EPS8: variants seen among roughly 807,000 people sequenced by gnomAD.
The protein encoded by EPS8 is epidermal growth factor receptor kinase substrate 8.
Under a neutral mutation model 103.8 loss-of-function variants are expected in EPS8, and 42 were observed. The ratio of observed to expected loss-of-function variants is 0.40; its 90% CI spans 0.32 to 0.52. The LOEUF is 0.52. EPS8 is among the 20% of genes least tolerant of loss of function. EPS8 has a pLI of 0.40. For synonymous variants in EPS8, 344 were observed against 344.6 expected, an observed-to-expected ratio of 1.00 and a Z score of 0.02; for missense variants, 969 against 1,005.1, an observed-to-expected ratio of 0.96 and a Z score of 0.49.
At chr12:15,626,627 CAAAAAAA>C (rs771173535) in intron 18 of EPS8, among the ~76,000 whole-genome samples, 3 of 61,342 alleles carry the variant, frequency 4.9e-5, no homozygotes, top group East Asian at 9.5e-4. Flanking sequence ...GACTCCGTCT[CAAAAAAA>C]AAAAAAAAAA....
At chr12:15,650,596 T>C (rs1945394874) in intron 14 of EPS8, among the ~76,000 whole-genome samples, 1 of 151,896 alleles carries the variant, frequency 6.6e-6, no homozygotes, top group African/African-American at 2.4e-5. Context: ...GCTGACAGGC[T>C]ATAGGAGAGC....
Position 15,777,193 on chromosome 12 carries a change from C to T in EPS8, c.-22+11968G>A, listed in dbSNP as rs1947215213. On this transcript the variant is annotated intron_variant, in intron 1 of 20. Transcript: ENST00000281172. The surrounding 1 kb of genome is among the most constrained non-coding windows in gnomAD (Gnocchi z 4.7). ...GTAGCCTATATAAATTTTTTTTTTACATTATATAACTCAAGATATATTTTA... is the reference window on the plus strand; with the variant it reads ...GTAGCCTATATAAATTTTTTTTTTATATTATATAACTCAAGATATATTTTA... Among the ~76,000 whole-genome samples, 1 of 151,260 alleles carries T rather than the reference C, an allele frequency of 6.6e-6. No homozygotes were observed. Among genetic ancestry groups the T allele is most frequent in the South Asian group, 2.1e-4 (1 of 4,796 alleles).
Position 15,693,746 on chromosome 12 carries a change from C to T in EPS8, c.-21-10774G>A, listed in dbSNP as rs1025938318. 6.6e-6 allele frequency among the ~76,000 whole-genome samples: 1 copy of T among 152,078 alleles called. No homozygotes were observed. Among genetic ancestry groups the T allele is most frequent in the Admixed American group, 6.6e-5 (1 of 15,264 alleles). ...AATGAAAACATGTCCTTTGCAGGGA[C>T]GTGGATGAAGCTGGAAGCCATCATC... On this transcript the variant is annotated intron_variant, in intron 1 of 20. Transcript: ENST00000281172. This position sits in a 1 kb window ranked among gnomAD's most constrained non-coding sequence, Gnocchi z 5.6.
At position 15,641,751 on chromosome 12, in the gene EPS8, G is replaced by T. The variant is rs768237529; in HGVS notation, c.1648C>A (p.Leu550Ile). ...AAAATATCATCCTTTAGAACCGAGA[G>T]CTCACTGTTGTTCCTTGCTACAAAG... is the stretch of plus-strand genomic sequence containing the variant. ...YDFVARNNSE[L>I]SVLKDDILEI... Residue 550 changes from leucine to isoleucine, a missense_variant, in exon 16 of 21, where the codon CTC (leucine) becomes ATC (isoleucine). Coordinates refer to ENST00000281172, the MANE Select transcript of EPS8 (RefSeq NM_004447.6). The T allele has an allele frequency of 6.3e-7, 1 of 1,587,690 alleles. No homozygotes were observed. Among genetic ancestry groups the T allele is most frequent in the South Asian group, 1.2e-5 (1 of 86,948 alleles).
intron 3 of EPS8, among the ~76,000 whole-genome samples, chr12:15,671,375 G>T (rs1945814794): frequency 6.6e-6 from 1 of 151,990 alleles, no homozygotes; most frequent in Non-Finnish European, 1.5e-5. Flanking sequence ...GGCATTACAA[G>T]GAACATCTCC....
In EPS8 at chr12:15,688,067, C is replaced by G. The variant is rs1389526255; in HGVS notation, c.-21-5095G>C. On this transcript the variant is annotated intron_variant, in intron 1 of 20. Coordinates refer to ENST00000281172, the MANE Select transcript of EPS8 (RefSeq NM_004447.6). This position sits in a 1 kb window ranked among gnomAD's most constrained non-coding sequence, Gnocchi z 5.1. Reference sequence around the variant, plus strand: ...GTGGTATTTTGAAGCTTAATAAAATCACATAGTACCATGAATGACTGAAAA... The same window carrying G: ...GTGGTATTTTGAAGCTTAATAAAATGACATAGTACCATGAATGACTGAAAA... Among the ~76,000 whole-genome samples the G allele has an allele frequency of 6.6e-6, 1 of 152,130 alleles. No individual in the cohort carries two copies. Among genetic ancestry groups the G allele is most frequent in the Admixed American group, 6.5e-5 (1 of 15,272 alleles).
rs1440738366 is a variant in EPS8 at position 15,697,838 on chromosome 12, A to T, written c.-21-14866T>A. Among the ~76,000 whole-genome samples, 2 of 152,202 alleles carry T rather than the reference A, an allele frequency of 1.3e-5. No individual in the cohort carries two copies. The highest frequency in any genetic ancestry group is 1.9e-4 in the East Asian group (1 of 5,200). ...GTCCAAGCAGTAGATGATCAGGATT[A>T]TTAGAAATAGGATCAATATAAAGGC... On this transcript the variant is annotated intron_variant, in intron 1 of 20. Transcript: ENST00000281172. This position sits in a 1 kb window ranked among gnomAD's most constrained non-coding sequence, Gnocchi z 5.6.
chr12:15,670,140 T>C (rs952559873), intron 4 of EPS8, among the ~76,000 whole-genome samples: 1 of 152,136 alleles, frequency 6.6e-6, no homozygotes, highest in Non-Finnish European at 1.5e-5. Flanking sequence ...AAAATAAACT[T>C]TCCCCTATTT....
At chr12:15,654,112 G>C (rs1435384870) in intron 13 of EPS8, 33 bp downstream of exon 13, 1 of 1,592,938 alleles carries the variant, frequency 6.3e-7, no homozygotes. Context: ...ACAAAGAATG[G>C]TACTTAAGGC....
rs371050973 is a variant in EPS8 at position 15,662,218 on chromosome 12, T to TG, written c.737-120dup. On this transcript the variant is annotated intron_variant, in intron 8 of 20. Transcript: ENST00000281172. ...CATTTGCCAAAGGGAACACCTCCAC[T>TG]GGATACACAAGTCAAAACTGTGCTC... 145 of 1,534,330 alleles carry TG rather than the reference T, an allele frequency of 9.5e-5. No homozygotes were observed. The African/African-American group carries it at 1.6e-3, about 17-fold the overall frequency.
At chr12:15,708,851 T>A (rs1946423136) in intron 1 of EPS8, among the ~76,000 whole-genome samples, 1 of 152,186 alleles carries the variant, frequency 6.6e-6, no homozygotes, top group Non-Finnish European at 1.5e-5. Flanking sequence ...CTCTTCAATT[T>A]CCTATCAGTC....
chr12:15,666,089 G>C (rs1945704140), intron 7 of EPS8, among the ~76,000 whole-genome samples, 197 bp from the exon 8 acceptor site: 1 of 152,160 alleles, frequency 6.6e-6, no homozygotes, highest in Non-Finnish European at 1.5e-5. Context: ...CTGAAAACTA[G>C]GTTGATTTTC....
chr12:15,763,019 C>T (rs1354552125), intron 1 of EPS8, among the ~76,000 whole-genome samples: 8 of 152,046 alleles, frequency 5.3e-5, no homozygotes, highest in African/African-American at 1.9e-4. Flanking sequence ...GTGTTACATG[C>T]CTGTATCAAA....
At chr12:15,681,366 C>G (rs1457368578) in intron 2 of EPS8, 64 bp from the exon 3 acceptor site, 1 of 650,982 alleles carries the variant, frequency 1.5e-6, no homozygotes, top group African/African-American at 2.0e-5. Context: ...GGGTTAAAGT[C>G]CAATATAAGT....
rs1381766923 is a variant in EPS8 at position 15,781,294 on chromosome 12, G to A, written c.-22+7867C>T. The stretch of plus-strand genomic sequence containing the variant: ...CAGTAGTAATTTGAGCAAGTATATA[G>A]CACAGTATTAAATAAAAGAATGTAA... On this transcript the variant is annotated intron_variant, in intron 1 of 20. Transcript: ENST00000281172. The surrounding 1 kb of genome is among the most constrained non-coding windows in gnomAD (Gnocchi z 4.1). Among the ~76,000 whole-genome samples, 1 of 152,116 alleles carries A rather than the reference G, an allele frequency of 6.6e-6. No homozygotes were observed. Among genetic ancestry groups the A allele is most frequent in the African/African-American group, 2.4e-5 (1 of 41,412 alleles).
rs1210195457 is a variant in EPS8, at chr12:15,640,644, TAA to T, written c.1821+57_1821+58del. The T allele has an allele frequency of 5.3e-6, 8 of 1,498,736 alleles. 1 individual carries two copies. In the African/African-American group the frequency reaches 5.5e-5, roughly 10 times the overall value. 92.8% of individuals were successfully genotyped at this position (1,498,736 alleles called of 1,614,324 possible). A position where few individuals can be genotyped will look rare whatever the true frequency, so the allele number is the denominator to read the frequency against. ...TACACAAAGGTGTTTAAATCCTACTTAAGAGTGATAACTTCGTAAATGTGTAC... is the reference window on the plus strand; with the variant it reads ...TACACAAAGGTGTTTAAATCCTACTTGAGTGATAACTTCGTAAATGTGTAC... On this transcript the variant is annotated intron_variant, in intron 17 of 20. Transcript: ENST00000281172.
At chr12:15,686,900 AT>A (rs914105600) in intron 1 of EPS8, among the ~76,000 whole-genome samples, 4 of 152,190 alleles carry the variant, frequency 2.6e-5, no homozygotes, top group East Asian at 3.9e-4. Flanking sequence ...AATATCACAG[AT>A]TTTTTTATCT....
At chr12:15,742,303 T>C (rs1457607680) in intron 1 of EPS8, among the ~76,000 whole-genome samples, 2 of 152,226 alleles carry the variant, frequency 1.3e-5, no homozygotes, top group African/African-American at 2.4e-5. Flanking sequence ...TCTTCCACAA[T>C]GGTTGAACTA....
rs146046342 is a variant in EPS8, at chr12:15,699,503, GAGA to G, written c.-21-16534_-21-16532del. ...CAGGATCATATATTTAAGAGAAATA[GAGA>G]AGTTTTCTTTAAATACTAGTTATAA... On this transcript the variant is annotated intron_variant, in intron 1 of 20. Coordinates refer to ENST00000281172, the MANE Select transcript of EPS8 (RefSeq NM_004447.6). 6.8e-3 allele frequency among the ~76,000 whole-genome samples: 1,032 copies of G among 152,260 alleles called. 12 individuals are homozygous for G. Among genetic ancestry groups the G allele is most frequent in the African/African-American group, 0.024 (984 of 41,536 alleles).
Sources: allele counts gnomAD v4.1 joint callset (sites outside exome capture counted in the v4.1 genomes callset), GRCh38; gene constraint gnomAD v4.1.1; non-coding constraint Gnocchi (gnomAD v3.1); transcripts MANE v1.5; gene names NCBI Gene and HGNC (gene_info 2026-07-23, HGNC 2026-07-21).